The following BEAN1 variants were observed in gnomAD, a reference collection of about 807,000 sequenced individuals.
The protein encoded by BEAN1 is protein BEAN1.
Under a neutral mutation model 17.7 loss-of-function variants are expected in BEAN1, and 17 were observed. The ratio of observed to expected loss-of-function variants is 0.96; its 90% CI spans 0.66 to 1.44. The LOEUF is 1.44. Among genes scored for constraint, BEAN1 ranks in the 40% most tolerant of loss-of-function variants. The pLI, the probability that BEAN1 is intolerant of heterozygous loss-of-function variation, is 0.00. For synonymous variants in BEAN1, 142 were observed against 151.8 expected (o/e 0.94, Z 0.47); for missense variants, 359 against 374.1 (o/e 0.96, Z 0.33).
At chr16:66,453,722 T>G (rs1318201639) in intron 2 of BEAN1, among the ~76,000 whole-genome samples, 1 of 146,792 alleles carries the variant, frequency 6.8e-6, no homozygotes, top group African/African-American at 2.6e-5. Context: ...TTTAGAAGCA[T>G]GTAGTTTAAT....
chr16:66,433,610 C>T (rs1346891850), intron 1 of BEAN1, among the ~76,000 whole-genome samples: 1 of 152,232 alleles, frequency 6.6e-6, no homozygotes, highest in East Asian at 1.9e-4. Flanking sequence ...CTCCTAGGAA[C>T]CCTCTTGGGG....
intron 2 of BEAN1, among the ~76,000 whole-genome samples, chr16:66,456,790 G>A (rs4783596): frequency 0.13 from 20,496 of 152,236 alleles, 1,580 homozygotes; most frequent in South Asian, 0.26. Flanking sequence ...TGATGACAAG[G>A]TGGTAAACTT....
chr16:66,468,066 G>GA (rs1285632998), intron 2 of BEAN1, among the ~76,000 whole-genome samples: 1 of 152,134 alleles, frequency 6.6e-6, no homozygotes, highest in Non-Finnish European at 1.5e-5. Context: ...CCTCACCTGG[G>GA]AAAAAAGCCC....
downstream of BEAN1, among the ~76,000 whole-genome samples, chr16:66,493,912 G>A (rs1052973262): frequency 2.6e-5 from 4 of 152,212 alleles, no homozygotes; most frequent in African/African-American, 9.6e-5. Context: ...GGAGGAAGAT[G>A]GACAACTAGG....
At chr16:66,476,156 G>A (rs1963737974) in intron 3 of BEAN1, 1 of 151,742 alleles carries the variant, frequency 6.6e-6, no homozygotes, top group South Asian at 2.1e-4. Context: ...AAGAAATAAG[G>A]GTCATGATCC....
chr16:66,446,343 G>A (rs1962455458), intron 2 of BEAN1, among the ~76,000 whole-genome samples: 1 of 152,124 alleles, frequency 6.6e-6, no homozygotes, highest in Non-Finnish European at 1.5e-5. Flanking sequence ...GATAAGGAAG[G>A]GGTCAAAAAG....
intron 2 of BEAN1, among the ~76,000 whole-genome samples, chr16:66,461,548 T>C (rs1046895625): frequency 6.7e-6 from 1 of 150,034 alleles, no homozygotes; most frequent in South Asian, 2.1e-4. Context: ...TTCTGCGTGC[T>C]GTGCAGGGCA....
intron 1 of BEAN1, among the ~76,000 whole-genome samples, chr16:66,431,714 C>T (rs973253595): frequency 4.0e-5 from 6 of 151,728 alleles, no homozygotes; most frequent in Non-Finnish European, 5.9e-5. Flanking sequence ...CCCCCCTTAA[C>T]ATTATACTGA....
chr16:66,443,616 G>A (rs1267761494), intron 2 of BEAN1, among the ~76,000 whole-genome samples: 3 of 152,170 alleles, frequency 2.0e-5, no homozygotes, highest in Non-Finnish European at 2.9e-5. Flanking sequence ...CTAGCACAAA[G>A]TCTGACCCTA....
At position 66,471,792 on chromosome 16, in the gene BEAN1, C is replaced by T. The variant is rs1376040764; in HGVS notation, c.289+1927C>T. Among the ~76,000 whole-genome samples, 1 of 152,218 alleles carries T rather than the reference C, an allele frequency of 6.6e-6. No homozygotes were observed. The highest frequency in any genetic ancestry group is 2.4e-5 in the African/African-American group (1 of 41,466). On this transcript the variant is annotated intron_variant, in intron 3 of 4. Transcript: ENST00000536005. This position sits in a 1 kb window ranked among gnomAD's most constrained non-coding sequence, Gnocchi z 4.7. ...CAAGTCTCCCCAGAAGCCAGGGACT[C>T]CCCAAGGAGACAAGCCAGAAGCACT...
intron 1 of BEAN1, among the ~76,000 whole-genome samples, chr16:66,429,468 C>T (rs1029052242): frequency 6.7e-5 from 10 of 148,540 alleles, no homozygotes; most frequent in South Asian, 2.2e-4. Context: ...AGCGGGTGGG[C>T]GGGCAGGAGT....
intron 2 of BEAN1, among the ~76,000 whole-genome samples, chr16:66,450,663 A>G (rs143126160): frequency 2.0e-4 from 30 of 152,254 alleles, no homozygotes; most frequent in African/African-American, 7.2e-4. Context: ...GGCGGCAGTG[A>G]GCTATGATTG....
chr16:66,441,092 C>T (rs958056687), intron 2 of BEAN1, among the ~76,000 whole-genome samples: 1 of 152,218 alleles, frequency 6.6e-6, no homozygotes, highest in Admixed American at 6.5e-5. Context: ...CGCCAGTGGA[C>T]GGTGAACATC....
chr16:66,437,729 C>T (rs1406196464), intron 2 of BEAN1, 28 bp downstream of exon 2: 50 of 1,529,594 alleles, frequency 3.3e-5, no homozygotes, highest in Non-Finnish European at 4.2e-5. Context: ...ATCCTTCCAC[C>T]ACTTGGGGCC....
chr16:66,457,414 A>T (rs1962913276), intron 2 of BEAN1, among the ~76,000 whole-genome samples: 1 of 152,148 alleles, frequency 6.6e-6, no homozygotes, highest in African/African-American at 2.4e-5. Flanking sequence ...TGTCCACTGT[A>T]ATCTGCCCCG....
intron 3 of BEAN1, among the ~76,000 whole-genome samples, chr16:66,477,164 C>T (rs916563126): frequency 2.0e-5 from 3 of 152,148 alleles, no homozygotes; most frequent in Non-Finnish European, 2.9e-5. Flanking sequence ...AAATCCTAGA[C>T]AAGACTCAGC....
chr16:66,485,422 T>C (rs1964074986), downstream of BEAN1: 2 of 332,412 alleles, frequency 6.0e-6, no homozygotes, highest in East Asian at 7.8e-5. Context: ...ATGTCCAGGC[T>C]CTTGGCATGA....
intron 4 of BEAN1, among the ~76,000 whole-genome samples, chr16:66,490,218 T>TAAAAAA (rs774079713): frequency 1.3e-3 from 57 of 43,638 alleles, no homozygotes; most frequent in African/African-American, 1.8e-3. Context: ...CCATCTCTAC[T>TAAAAAA]AAAAAAAAAA....
At chr16:66,439,204 T>C (rs1160087318) in intron 2 of BEAN1, among the ~76,000 whole-genome samples, 1 of 152,048 alleles carries the variant, frequency 6.6e-6, no homozygotes, top group Non-Finnish European at 1.5e-5. Context: ...CAGAGGGTGG[T>C]GGAGCTCGGC....
Sources: allele counts gnomAD v4.1 joint callset (sites outside exome capture counted in the v4.1 genomes callset), GRCh38; gene constraint gnomAD v4.1.1; non-coding constraint Gnocchi (gnomAD v3.1); transcripts MANE v1.5; gene names NCBI Gene and HGNC (gene_info 2026-07-23, HGNC 2026-07-21).